Variants in EXOC5 observed in about 807,000 individuals in gnomAD.
EXOC5 encodes SEC10-like 1.
EXOC5 carries 17 observed loss-of-function variants against 90.8 expected under a neutral mutation model. The observed-to-expected ratio is 0.19, with a 90% CI of 0.13 to 0.28. The LOEUF is 0.28. EXOC5 is among the 10% of genes least tolerant of loss of function. The pLI, the probability that EXOC5 is intolerant of heterozygous loss-of-function variation, is 1.00. For synonymous variants in EXOC5, 260 were observed against 270.0 expected, an observed-to-expected ratio of 0.96 and a Z score of 0.36; for missense variants, 569 against 830.6, an observed-to-expected ratio of 0.69 and a Z score of 3.87.
chr14:57,220,374 CT>C (rs1397733704), intron 13 of EXOC5, among the ~76,000 whole-genome samples: 1 of 152,012 alleles, frequency 6.6e-6, no homozygotes, highest in Non-Finnish European at 1.5e-5. Context: ...TATTGATGTA[CT>C]TTTTTTCTTT....
chr14:57,261,631 C>A, intron 1 of EXOC5, among the ~76,000 whole-genome samples: 1 of 152,316 alleles, frequency 6.6e-6, no homozygotes, highest in African/African-American at 2.4e-5. Flanking sequence ...TAACAATAAT[C>A]ATACTGTTCA....
chr14:57,264,455 C>G (rs1052268613), intron 1 of EXOC5, among the ~76,000 whole-genome samples: 3 of 152,036 alleles, frequency 2.0e-5, no homozygotes, highest in Non-Finnish European at 4.4e-5. Context: ...GCTATCATAG[C>G]CAAATTACCT....
chr14:57,257,548 G>A (rs994717601), intron 1 of EXOC5, among the ~76,000 whole-genome samples: 2 of 152,034 alleles, frequency 1.3e-5, no homozygotes, highest in Non-Finnish European at 2.9e-5. Flanking sequence ...CAGTGTAGGT[G>A]GAAGAAAATA....
Position 57,208,682 on chromosome 14 carries a change from T to G in EXOC5, c.2054A>C (p.Lys685Thr), listed in dbSNP as rs774682375. 55 of 1,612,564 alleles carry G rather than the reference T, an allele frequency of 3.4e-5. No individual in the cohort carries two copies. The highest frequency in any genetic ancestry group is 4.7e-5 in the Non-Finnish European group (55 of 1,179,466). Residue 685 changes from lysine (K) to threonine (T), a missense_variant, in exon 18 of 18, where the codon AAG (lysine) becomes ACG (threonine). Coordinates refer to ENST00000621441, the MANE Select transcript of EXOC5 (RefSeq NM_006544.4). ...TTGTACGAAGGAGTGAAGTATATTC[T>G]TGTCCAGATTAGCAAGTTGTTCTCC... ...CSGEQLANLD[K>T]NILHSFVQLR... is the part of the protein sequence containing the mutation.
chr14:57,259,132 T>C (rs1566506865), intron 1 of EXOC5, among the ~76,000 whole-genome samples: 1 of 151,844 alleles, frequency 6.6e-6, no homozygotes. Context: ...TTTTTTGAGA[T>C]ACAGTCTCAC....
At chr14:57,262,751 A>G (rs530140103) in intron 1 of EXOC5, among the ~76,000 whole-genome samples, 4 of 149,806 alleles carry the variant, frequency 2.7e-5, no homozygotes, top group Admixed American at 6.7e-5. Context: ...GTGTGTGTGT[A>G]TATATATACT....
chr14:57,268,696 C>A lies in EXOC5; in HGVS notation c.-48G>T. The A allele has an allele frequency of 6.4e-7, 1 of 1,561,840 alleles. No individual in the cohort carries two copies. Among genetic ancestry groups the A allele is most frequent in the Non-Finnish European group, 8.6e-7 (1 of 1,163,308 alleles). On this transcript the variant is annotated 5_prime_UTR_variant, in exon 1 of 18. It removes the in-frame stop codon of an upstream open reading frame in the 5' UTR. Coordinates refer to ENST00000621441, the MANE Select transcript of EXOC5 (RefSeq NM_006544.4). ...CCCCCACTGGATGCCGTCTCCGCTT[C>A]ACATGCTGCGCCTCAGAGGCGCGGC...
At chr14:57,215,197 A>G (rs562110304) in intron 15 of EXOC5, among the ~76,000 whole-genome samples, 28 of 151,820 alleles carry the variant, frequency 1.8e-4, no homozygotes, top group African/African-American at 6.8e-4. Flanking sequence ...GTGCCACTGG[A>G]CTCCAGCCTG....
In EXOC5 at chr14:57,236,354, C is replaced by T. The variant is rs1038085508; in HGVS notation, c.560-534G>A. Among the ~76,000 whole-genome samples, 7 of 148,586 alleles carry T rather than the reference C, an allele frequency of 4.7e-5. No homozygotes were observed. The South Asian group carries it at 6.4e-4, about 14-fold the overall frequency. On this transcript the variant is annotated intron_variant, in intron 6 of 17. Coordinates refer to ENST00000621441, the MANE Select transcript of EXOC5 (RefSeq NM_006544.4). ...CAGTCAAAGTGCAGTGGCGCGATCT[C>T]GGCTCACTGCAACCTCCACCTGCTG...
rs1882600755 is a variant in EXOC5, at chr14:57,204,814, C to A, written c.*3795G>T. The A allele has an allele frequency of 6.6e-6, 1 of 152,066 alleles. No individual in the cohort carries two copies. Among genetic ancestry groups the A allele is most frequent in the Non-Finnish European group, 1.5e-5 (1 of 67,786 alleles). The allele number at this position is 152,066 out of a possible 1,614,324, so 9.4% of individuals were successfully genotyped here. On this transcript the variant is annotated 3_prime_UTR_variant, in exon 18 of 18. Coordinates refer to ENST00000621441, the MANE Select transcript of EXOC5 (RefSeq NM_006544.4). ...CATACATTGAACATATTAAGAAAAACACAACAGTAAATTAGATATTGACCC... is the reference window on the plus strand; with the variant it reads ...CATACATTGAACATATTAAGAAAAAAACAACAGTAAATTAGATATTGACCC...
rs1882639324 is a variant in EXOC5, at chr14:57,205,983, A to C, written c.*2626T>G. ...AAGGACACTTCATCTACTCTGGTTG[A>C]CTGTCATTTTCAACATCATAATTTA... On this transcript the variant is annotated 3_prime_UTR_variant, in exon 18 of 18. Transcript: ENST00000621441. 6 of 455,968 alleles carry C rather than the reference A, an allele frequency of 1.3e-5. No homozygotes were observed. The highest frequency in any genetic ancestry group is 9.3e-5 in the South Asian group (6 of 64,512). 28.2% of individuals were successfully genotyped at this position (455,968 alleles called of 1,614,324 possible). A position where few individuals can be genotyped will look rare whatever the true frequency, so the allele number is the denominator to read the frequency against.
chr14:57,215,610 A>G (rs1882950226), intron 15 of EXOC5, among the ~76,000 whole-genome samples: 1 of 152,150 alleles, frequency 6.6e-6, no homozygotes, highest in African/African-American at 2.4e-5. Context: ...TTCTGGTAAA[A>G]TTCAACACTC....
intron 15 of EXOC5, among the ~76,000 whole-genome samples, chr14:57,211,140 G>C (rs140369751): frequency 1.3e-5 from 2 of 152,268 alleles, no homozygotes; most frequent in African/African-American, 4.8e-5. Flanking sequence ...GTACACTGCT[G>C]TACCTTTAAT....
chr14:57,233,711 G>T (rs1171634411), intron 9 of EXOC5, 32 bp downstream of exon 9: 2 of 1,309,716 alleles, frequency 1.5e-6, no homozygotes, highest in Non-Finnish European at 2.1e-6. Context: ...ATTGCTTTAA[G>T]AACTATTTAA....
At chr14:57,227,877 C>T (rs534660938) in intron 12 of EXOC5, among the ~76,000 whole-genome samples, 1 of 151,888 alleles carries the variant, frequency 6.6e-6, no homozygotes, top group South Asian at 2.1e-4. Context: ...TATCTCAGTT[C>T]TTTATTTGCA....
Position 57,228,861 on chromosome 14 carries a change from AAAAAAAAAAGG to A in EXOC5, c.1296+862_1296+872del, listed in dbSNP as rs943715582. On this transcript the variant is annotated intron_variant, in intron 12 of 17. Transcript: ENST00000621441. ...CCCAGAACTTAAAGTATAAAAAAAAAAAAAAAAAAGGAGTGTCTGGAACATATTATGTACTA... is the reference window on the plus strand; with the variant it reads ...CCCAGAACTTAAAGTATAAAAAAAAAAGTGTCTGGAACATATTATGTACTA... 2.2e-3 allele frequency among the ~76,000 whole-genome samples: 337 copies of A among 152,170 alleles called. 1 individual carries two copies. Among genetic ancestry groups the A allele is most frequent in the African/African-American group, 7.4e-3 (308 of 41,518 alleles).
At chr14:57,242,961 C>T (rs369952695) in intron 4 of EXOC5, among the ~76,000 whole-genome samples, 62 of 152,192 alleles carry the variant, frequency 4.1e-4, no homozygotes, top group African/African-American at 1.4e-3. Flanking sequence ...TTGGATAGAG[C>T]GGGAGGCCAT....
intron 12 of EXOC5, among the ~76,000 whole-genome samples, chr14:57,225,736 G>C (rs1339548548): frequency 6.6e-6 from 1 of 152,202 alleles, no homozygotes; most frequent in Non-Finnish European, 1.5e-5. Flanking sequence ...AGTCTCAGGA[G>C]GTCCCGCCAA....
intron 1 of EXOC5, among the ~76,000 whole-genome samples, chr14:57,255,144 T>C (rs1884313896): frequency 6.6e-6 from 1 of 152,042 alleles, no homozygotes; most frequent in South Asian, 2.1e-4. Flanking sequence ...ACAGACAACA[T>C]GGCCCCAACT....
Sources: allele counts gnomAD v4.1 joint callset (sites outside exome capture counted in the v4.1 genomes callset), GRCh38; gene constraint gnomAD v4.1.1; transcripts MANE v1.5; gene names NCBI Gene and HGNC (gene_info 2026-07-23, HGNC 2026-07-21).